Variants in PVT1 observed in about 807,000 individuals in gnomAD.
PVT1 encodes Pvt1 oncogene.
rs111310582 is a variant in PVT1, at chr8:127,804,994, G to A, written n.372+8923G>A. ...TGCCCAGGCTGGAGGGCAATGGCGCGATCTCGGCTCACTGCAACCTCTGCC... is the reference window on the plus strand; with the variant it reads ...TGCCCAGGCTGGAGGGCAATGGCGCAATCTCGGCTCACTGCAACCTCTGCC... On this transcript the variant is annotated intron_variant and non_coding_transcript_variant, in intron 2 of 10. Transcript: ENST00000651587. 6.4e-3 allele frequency among the ~76,000 whole-genome samples: 948 copies of A among 147,302 alleles called. 10 individuals carry two copies. Among genetic ancestry groups the A allele is most frequent in the African/African-American group, 0.023 (907 of 39,800 alleles).
intron 2 of PVT1, among the ~76,000 whole-genome samples, chr8:127,862,659 C>T (rs945273775): frequency 6.6e-6 from 1 of 151,994 alleles, no homozygotes; most frequent in Non-Finnish European, 1.5e-5. Flanking sequence ...TGGCCTCGGG[C>T]AATCCTGGAC....
At chr8:127,911,293 T>C (rs762475561) in intron 3 of PVT1, among the ~76,000 whole-genome samples, 13 of 152,214 alleles carry the variant, frequency 8.5e-5, no homozygotes, top group Non-Finnish European at 2.9e-5. Context: ...CCTGTGTCAG[T>C]TGAGTGCGTC....
At chr8:127,904,471 T>C (rs994062972) in intron 3 of PVT1, among the ~76,000 whole-genome samples, 4 of 148,918 alleles carry the variant, frequency 2.7e-5, no homozygotes, top group African/African-American at 1.0e-4. Flanking sequence ...ATGAAGATGA[T>C]GTTGATGATG....
chr8:127,984,893 CTTTCTT>C (rs1816937275), intron 3 of PVT1, among the ~76,000 whole-genome samples: 1 of 100,288 alleles, frequency 1.0e-5, no homozygotes, highest in South Asian at 3.9e-4. Flanking sequence ...TTCTTTCTTT[CTTTCTT>C]TCTTTCTTTC....
At chr8:127,993,782 A>C (rs761458878) in intron 4 of PVT1, among the ~76,000 whole-genome samples, 11 of 151,612 alleles carry the variant, frequency 7.3e-5, no homozygotes, top group Non-Finnish European at 5.9e-5. Context: ...TCTGCCCAGG[A>C]CTTTACAGTT....
At chr8:127,895,900 A>T (rs1418816868) in intron 3 of PVT1, among the ~76,000 whole-genome samples, 2 of 152,230 alleles carry the variant, frequency 1.3e-5, no homozygotes, top group Non-Finnish European at 2.9e-5. Flanking sequence ...TATGTAAATG[A>T]GTGGGTGTGG....
chr8:128,034,998 T>C (rs1813444167), intron 4 of PVT1, among the ~76,000 whole-genome samples: 1 of 152,262 alleles, frequency 6.6e-6, no homozygotes, highest in Admixed American at 6.5e-5. Flanking sequence ...GTAGCTATTA[T>C]GGCTATTTTA....
At chr8:128,036,117 TC>T (rs1341026042) in intron 4 of PVT1, among the ~76,000 whole-genome samples, 6 of 152,342 alleles carry the variant, frequency 3.9e-5, no homozygotes, top group Non-Finnish European at 8.8e-5. Flanking sequence ...GCTCAGTGGT[TC>T]CGAGGTAGAT....
chr8:127,914,618 T>A lies in PVT1; in HGVS notation n.782+23620T>A, dbSNP rs75218368. Among the ~76,000 whole-genome samples, 130 of 152,132 alleles carry A rather than the reference T, an allele frequency of 8.5e-4. 1 individual carries two copies. The highest frequency in any genetic ancestry group is 1.1e-3 in the Non-Finnish European group (72 of 68,032). On this transcript the variant is annotated intron_variant and non_coding_transcript_variant, in intron 3 of 10. Transcript: ENST00000651587. Reference sequence around the variant, plus strand: ...TTCAACTGTAAAATGGAATGAGACATTGATACATGTTACAACATGGATGAA... The same window carrying A: ...TTCAACTGTAAAATGGAATGAGACAATGATACATGTTACAACATGGATGAA...
At chr8:128,061,122 C>G (rs1813825679) in intron 4 of PVT1, among the ~76,000 whole-genome samples, 1 of 152,214 alleles carries the variant, frequency 6.6e-6, no homozygotes, top group African/African-American at 2.4e-5. Flanking sequence ...GTTGGCGAGG[C>G]TGGTCTCAAA....
Position 127,858,805 on chromosome 8 carries a change from C to CTTTTTTTTTTTTTTTTTTT in PVT1, n.373-31774_373-31756dup, listed in dbSNP as rs35886687. On this transcript the variant is annotated intron_variant and non_coding_transcript_variant, in intron 2 of 10. Coordinates refer to ENST00000651587, the Ensembl canonical transcript of PVT1. ...CTCTTGTGGACTACACTTGAAGATT[C>CTTTTTTTTTTTTTTTTTTT]TTTTTTTTTTTTTTTTTTTTTTTTT... 3.8e-4 allele frequency among the ~76,000 whole-genome samples: 18 copies of CTTTTTTTTTTTTTTTTTTT among 47,308 alleles called. 3 individuals are homozygous for CTTTTTTTTTTTTTTTTTTT. The highest frequency in any genetic ancestry group is 8.0e-4 in the Admixed American group (3 of 3,734). 31.0% of individuals were successfully genotyped at this position (47,308 alleles called of 152,430 possible).
At position 128,007,205 on chromosome 8, in the gene PVT1, T is replaced by C. The variant is rs1817257410; in HGVS notation, n.912+17914T>C. The stretch of plus-strand genomic sequence containing the variant: ...CTGCATTGGAAAAAAGTGTTACTGA[T>C]GAAATTTGAATATCGTCTCTAGATT... On this transcript the variant is annotated intron_variant and non_coding_transcript_variant, in intron 4 of 10. Coordinates refer to ENST00000651587, the Ensembl canonical transcript of PVT1. Among the ~76,000 whole-genome samples the C allele has an allele frequency of 5.9e-5, 9 of 152,342 alleles. No individual in the cohort carries two copies. The South Asian group carries it at 1.9e-3, about 32-fold the overall frequency.
intron 3 of PVT1, chr8:127,989,040 C>A (rs1817001471): frequency 6.6e-6 from 1 of 152,220 alleles, no homozygotes; most frequent in African/African-American, 2.4e-5. Context: ...TCTTCTTGTG[C>A]TCCTCATTCA....
intron 4 of PVT1, among the ~76,000 whole-genome samples, chr8:128,020,435 T>C (rs80062913): frequency 2.0e-5 from 3 of 152,000 alleles, no homozygotes; most frequent in Admixed American, 1.3e-4. Context: ...TGAGAAGGAG[T>C]TGATGTGCCA....
intron 4 of PVT1, among the ~76,000 whole-genome samples, chr8:127,990,972 T>C (rs2129998223): frequency 6.6e-6 from 1 of 152,294 alleles, no homozygotes; most frequent in Non-Finnish European, 1.5e-5. Flanking sequence ...TGCTGTTTAG[T>C]AATTAAAAAT....
At chr8:128,012,504 C>T (rs1347003628) in intron 4 of PVT1, among the ~76,000 whole-genome samples, 1 of 152,186 alleles carries the variant, frequency 6.6e-6, no homozygotes, top group Non-Finnish European at 1.5e-5. Flanking sequence ...TTCAACTCTT[C>T]TTGGGCAGAG....
At chr8:127,802,025 C>T (rs951451127) in intron 2 of PVT1, among the ~76,000 whole-genome samples, 3 of 151,950 alleles carry the variant, frequency 2.0e-5, no homozygotes, top group African/African-American at 7.3e-5. Context: ...AAGCGATTCT[C>T]CTGCCTCAGC....
intron 4 of PVT1, among the ~76,000 whole-genome samples, chr8:128,052,752 C>T (rs1291298060): frequency 6.6e-6 from 1 of 152,244 alleles, no homozygotes; most frequent in Non-Finnish European, 1.5e-5. Context: ...GCTGTTGTCA[C>T]ACTATGTGCA....
intron 4 of PVT1, among the ~76,000 whole-genome samples, chr8:128,001,231 G>T (rs963598304): frequency 6.6e-6 from 1 of 152,150 alleles, no homozygotes; most frequent in Non-Finnish European, 1.5e-5. Context: ...TGAGGGGCTC[G>T]CCAGCAGCAC....
Sources: gnomAD v4.1 joint callset for allele counts (sites outside exome capture counted in the v4.1 genomes callset) on GRCh38, gnomAD v4.1.1 for gene constraint, MANE v1.5 for transcripts, NCBI Gene and HGNC (gene_info 2026-07-23, HGNC 2026-07-21) for gene names.